The following ZNF469 variants were observed in gnomAD, a reference collection of about 807,000 sequenced individuals.
The protein encoded by ZNF469 is zinc finger protein 469.
In ZNF469, 1 loss-of-function variant was observed where a neutral mutation model predicts 1.0. The observed-to-expected ratio is 1.00, with a 90% CI of 0.35 to 4.73. ZNF469 has a LOEUF of 4.73. ZNF469 is among the 30% of genes most tolerant of loss of function. The pLI, the probability that ZNF469 is intolerant of heterozygous loss-of-function variation, is 0.16. For missense variants in ZNF469, 6,100 were observed against 5,356.3 expected (o/e 1.14, Z -4.33); for synonymous variants, 2,703 against 2,363.4 (o/e 1.14, Z -4.17).
chr16:88,127,238 A>C, the ZNF469 span, among the ~76,000 whole-genome samples: 1 of 152,056 alleles, frequency 6.6e-6, no homozygotes, highest in Non-Finnish European at 1.5e-5. Context: ...TCCGCGTCAC[A>C]GGCCTCATAA....
chr16:88,143,503 A>G, the ZNF469 span, among the ~76,000 whole-genome samples: 1 of 151,830 alleles, frequency 6.6e-6, no homozygotes, highest in Non-Finnish European at 1.5e-5. Flanking sequence ...CTGGAACTGG[A>G]AGTGGGGATC....
chr16:88,333,920 CTG>C, the ZNF469 span, among the ~76,000 whole-genome samples: 3 of 149,536 alleles, frequency 2.0e-5, no homozygotes, highest in Admixed American at 6.7e-5. Flanking sequence ...CTGTGTGTGT[CTG>C]TGTGTGTCTA....
chr16:88,288,344 T>C, the ZNF469 span, among the ~76,000 whole-genome samples: 1 of 152,190 alleles, frequency 6.6e-6, no homozygotes, highest in African/African-American at 2.4e-5. Flanking sequence ...GTGTTTATTC[T>C]ACTCTGTCAC....
chr16:88,135,277 T>C, the ZNF469 span, among the ~76,000 whole-genome samples: 1 of 152,382 alleles, frequency 6.6e-6, no homozygotes, highest in African/African-American at 2.4e-5. Flanking sequence ...CCCCGAGGAA[T>C]CCTCTCTGGC....
chr16:88,373,894 G>T, the ZNF469 span, among the ~76,000 whole-genome samples: 1 of 152,260 alleles, frequency 6.6e-6, no homozygotes, highest in Admixed American at 6.5e-5. Context: ...ATACTTGGGA[G>T]GCTGAGGCAG....
chr16:88,267,680 G>C, the ZNF469 span, among the ~76,000 whole-genome samples: 1 of 151,360 alleles, frequency 6.6e-6, no homozygotes, highest in Non-Finnish European at 1.5e-5. Flanking sequence ...GATAAGGGCT[G>C]AGTGGAAATG....
chr16:88,204,724 G>A, the ZNF469 span, among the ~76,000 whole-genome samples: 3 of 152,236 alleles, frequency 2.0e-5, no homozygotes, highest in Non-Finnish European at 4.4e-5. Context: ...CGTCTCCGCT[G>A]TGGTCTCAAA....
chr16:88,127,353 C>T, the ZNF469 span, among the ~76,000 whole-genome samples: 1 of 152,168 alleles, frequency 6.6e-6, no homozygotes, highest in East Asian at 1.9e-4. Context: ...GCAACGAATC[C>T]CTGGCTTCCA....
intron 1 of ZNF469, among the ~76,000 whole-genome samples, chr16:88,389,478 G>A (rs893852455): frequency 3.3e-5 from 5 of 152,218 alleles, no homozygotes; most frequent in South Asian, 2.1e-4. Context: ...TTTGTGTACC[G>A]CTTCTGTGTG....
chr16:88,419,622 C>A lies in ZNF469; in HGVS notation c.-191-5185C>A, dbSNP rs547742263. 2.1e-3 allele frequency among the ~76,000 whole-genome samples: 325 copies of A among 152,306 alleles called. 2 individuals are homozygous for A. Among genetic ancestry groups the A allele is most frequent in the African/African-American group, 7.3e-3 (304 of 41,552 alleles). On this transcript the variant is annotated intron_variant, in intron 1 of 2. Coordinates refer to ENST00000565624, the MANE Select transcript of ZNF469 (RefSeq NM_001367624.2). ...CCCCGGCAGCCTCCCACTCCCTGCCCCTGAAGCCCATGCTGGTCCCACCCC... is the reference window on the plus strand; with the variant it reads ...CCCCGGCAGCCTCCCACTCCCTGCCACTGAAGCCCATGCTGGTCCCACCCC...
chr16:88,352,835 G>A, the ZNF469 span, among the ~76,000 whole-genome samples: 2,574 of 152,296 alleles, frequency 0.017, 62 homozygotes, highest in African/African-American at 0.058. Context: ...GGCTGACCCC[G>A]TCCTGCTGCA....
the ZNF469 span, among the ~76,000 whole-genome samples, chr16:88,342,144 G>T: frequency 6.6e-6 from 1 of 152,250 alleles, no homozygotes; most frequent in Non-Finnish European, 1.5e-5. Flanking sequence ...CGCTGCGACA[G>T]GGGTCTCCAG....
In ZNF469 at chr16:88,437,396, C is replaced by T. The variant is rs1464428497; in HGVS notation, c.9926C>T (p.Pro3309Leu). ...AGCCCGGGCCCCCCCAGGACGACCC[C>T]CAGCCCGTCCCCCGACCCCTGGGCC... ...AGSPGPPRTT[P>L]SPSPDPWAGG... The change falls in exon 3 of 3, where the codon CCC becomes CTC. Residue 3309 changes from proline to leucine, a missense_variant. Coordinates refer to ENST00000565624, the MANE Select transcript of ZNF469 (RefSeq NM_001367624.2). 2.0e-6 allele frequency: 3 copies of T among 1,532,040 alleles called. No homozygotes were observed. In the Admixed American group the frequency reaches 6.1e-5, roughly 31 times the overall value. The allele number at this position is 1,532,040 out of a possible 1,614,324, so 94.9% of individuals were successfully genotyped here.
At chr16:88,263,434 G>A in the ZNF469 span, among the ~76,000 whole-genome samples, 13 of 152,174 alleles carry the variant, frequency 8.5e-5, no homozygotes, top group Non-Finnish European at 1.6e-4. Context: ...GTCCTGGGCC[G>A]CTCGCGGGAA....
At chr16:88,237,168 C>G in the ZNF469 span, among the ~76,000 whole-genome samples, 3 of 81,152 alleles carry the variant, frequency 3.7e-5, no homozygotes, top group Non-Finnish European at 8.2e-5. Flanking sequence ...CCCTGCCCTC[C>G]TTGCTCCTGC....
At chr16:88,325,960 C>T in the ZNF469 span, among the ~76,000 whole-genome samples, 1 of 152,264 alleles carries the variant, frequency 6.6e-6, no homozygotes, top group African/African-American at 2.4e-5. Flanking sequence ...GCTAACAACA[C>T]CTGTCAGTCA....
the ZNF469 span, among the ~76,000 whole-genome samples, chr16:88,330,860 C>G: frequency 6.6e-6 from 1 of 152,228 alleles, no homozygotes; most frequent in Non-Finnish European, 1.5e-5. Context: ...GAGACACATT[C>G]CCTGTGCAGC....
At chr16:88,166,433 C>A in the ZNF469 span, among the ~76,000 whole-genome samples, 1 of 152,034 alleles carries the variant, frequency 6.6e-6, no homozygotes, top group Non-Finnish European at 1.5e-5. The surrounding 1 kb of genome is among the most constrained non-coding windows in gnomAD (Gnocchi z 4.5). Context: ...AATTTCCATG[C>A]GGTGAAATGC....
At chr16:88,382,724 T>A (rs370972350), upstream of ZNF469, among the ~76,000 whole-genome samples, 316 of 152,234 alleles carry the variant, frequency 2.1e-3, no homozygotes, top group African/African-American at 7.2e-3. Flanking sequence ...TGGCAGACGT[T>A]TTTTAAGTTG....
Sources: allele counts gnomAD v4.1 joint callset (sites outside exome capture counted in the v4.1 genomes callset), GRCh38; gene constraint gnomAD v4.1.1; non-coding constraint Gnocchi (gnomAD v3.1); transcripts MANE v1.5; gene names NCBI Gene and HGNC (gene_info 2026-07-23, HGNC 2026-07-21).